PTPRQ: variants seen among roughly 807,000 people sequenced by gnomAD.
The protein encoded by PTPRQ is protein tyrosine phosphatase receptor type Q, also known as phosphatidylinositol phosphatase PTPRQ.
PTPRQ carries 199 observed loss-of-function variants against 246.0 expected under a neutral mutation model. The ratio of observed to expected loss-of-function variants is 0.81; its 90% CI spans 0.72 to 0.91. PTPRQ has a LOEUF of 0.91. Ranked by LOEUF, PTPRQ falls within the 40% of genes least tolerant of loss-of-function variation. The pLI, the probability that PTPRQ is intolerant of heterozygous loss-of-function variation, is 0.00. For missense variants in PTPRQ, 2,624 were observed against 2,528.4 expected, an observed-to-expected ratio of 1.04 and a Z score of -0.81; for synonymous variants, 869 against 853.2, an observed-to-expected ratio of 1.02 and a Z score of -0.32.
intron 17 of PTPRQ, among the ~76,000 whole-genome samples, chr12:80,515,333 G>C (rs1486903856): frequency 6.6e-6 from 1 of 152,058 alleles, no homozygotes; most frequent in Non-Finnish European, 1.5e-5. Flanking sequence ...TGTTTCAGGA[G>C]TCCATAGTTC....
At chr12:80,455,033 C>T (rs898780444) in intron 3 of PTPRQ, among the ~76,000 whole-genome samples, 22 of 152,114 alleles carry the variant, frequency 1.4e-4, no homozygotes, top group African/African-American at 5.1e-4. Flanking sequence ...ATTAGCTGGG[C>T]ATGGTGGCGA....
intron 36 of PTPRQ, 34 bp from the exon 37 acceptor site, chr12:80,649,554 C>T (rs961788179): frequency 4.5e-6 from 7 of 1,546,922 alleles, no homozygotes; most frequent in Non-Finnish European, 6.1e-6. Flanking sequence ...TACAATCTAA[C>T]ATGACCCTAT....
In PTPRQ at chr12:80,527,943, G is replaced by T. The variant is rs962562305; in HGVS notation, c.2679-6072G>T. Among the ~76,000 whole-genome samples, 8 of 152,042 alleles carry T rather than the reference G, an allele frequency of 5.3e-5. No homozygotes were observed. The South Asian group carries it at 1.7e-3, about 32-fold the overall frequency. On this transcript the variant is annotated intron_variant, in intron 17 of 44. Transcript: ENST00000644991. ...ACCCCATCTCTAGAAAAAATAAACA[G>T]GTATGGTAACATATGCTTGTATCCC...
At chr12:80,617,199 A>G (rs1336470262) in intron 30 of PTPRQ, among the ~76,000 whole-genome samples, 1 of 151,072 alleles carries the variant, frequency 6.6e-6, no homozygotes, top group East Asian at 2.0e-4. Context: ...AGGCCTGAAA[A>G]ATGGAGATAA....
In PTPRQ at chr12:80,575,313, T is replaced by C. The variant is rs147048214; in HGVS notation, c.4286-12816T>C. Among the ~76,000 whole-genome samples the C allele has an allele frequency of 1.1e-4, 16 of 152,232 alleles. 2 individuals are homozygous for C. The highest frequency in any genetic ancestry group is 3.9e-4 in the African/African-American group (16 of 41,544). On this transcript the variant is annotated intron_variant, in intron 25 of 44. Transcript: ENST00000644991. ...TTCTAAAAATCTTTTGATCCAAGTG[T>C]GGTGGCTCACACCTGTAATCACAGA...
rs749921206 is a variant in PTPRQ at position 80,605,396 on chromosome 12, T to C, written c.4731+216T>C. On this transcript the variant is annotated intron_variant, in intron 27 of 44. Coordinates refer to ENST00000644991, the MANE Select transcript of PTPRQ (RefSeq NM_001145026.2). ...AACATGCATAAAGAACTTGGAACAT[T>C]CCCTGAGATATGGTAAATGCTCAAT... Among the ~76,000 whole-genome samples the C allele has an allele frequency of 4.0e-5, 6 of 151,386 alleles. No homozygotes were observed. In the South Asian group the frequency reaches 8.3e-4, roughly 21 times the overall value.
chr12:80,637,643 A>G (rs180733489), intron 35 of PTPRQ, among the ~76,000 whole-genome samples: 2 of 152,364 alleles, frequency 1.3e-5, no homozygotes, highest in East Asian at 3.9e-4. Context: ...ATTCTTCAGT[A>G]CAGAGATCTG....
chr12:80,455,510 C>G (rs537827915), intron 3 of PTPRQ, among the ~76,000 whole-genome samples: 1 of 152,110 alleles, frequency 6.6e-6, no homozygotes, highest in African/African-American at 2.4e-5. Flanking sequence ...ATCGTGAACT[C>G]AATGTAATTA....
chr12:80,587,289 C>T (rs1232164627), intron 25 of PTPRQ, among the ~76,000 whole-genome samples: 1 of 152,018 alleles, frequency 6.6e-6, no homozygotes, highest in African/African-American at 2.4e-5. Context: ...ATGTAATTTT[C>T]ACATGTCATC....
chr12:80,477,886 C>T (rs1286404713), intron 8 of PTPRQ, among the ~76,000 whole-genome samples: 1 of 152,194 alleles, frequency 6.6e-6, no homozygotes, highest in African/African-American at 2.4e-5. Context: ...CCTACGCCCA[C>T]GGAGTCTCGC....
rs191715664 is a variant in PTPRQ at position 80,515,545 on chromosome 12, C to T, written c.2678+5102C>T. ...AAGTGATTCTCCTGCCTCAGCCTCC[C>T]GAGTAGCTGGGATTACAGGTGCCCA... On this transcript the variant is annotated intron_variant, in intron 17 of 44. Coordinates refer to ENST00000644991, the MANE Select transcript of PTPRQ (RefSeq NM_001145026.2). Among the ~76,000 whole-genome samples the T allele has an allele frequency of 7.5e-4, 114 of 151,898 alleles. No individual in the cohort carries two copies. In the East Asian group the frequency reaches 0.011, roughly 15 times the overall value.
chr12:80,630,311 G>T (rs1379985972), intron 33 of PTPRQ, among the ~76,000 whole-genome samples: 1 of 151,838 alleles, frequency 6.6e-6, no homozygotes, highest in African/African-American at 2.4e-5. Context: ...CCATATTTTG[G>T]ATCTGTCTGG....
intron 17 of PTPRQ, among the ~76,000 whole-genome samples, chr12:80,526,597 A>G (rs1220695062): frequency 1.3e-5 from 2 of 152,120 alleles, no homozygotes; most frequent in South Asian, 2.1e-4. Flanking sequence ...TCCATAAGCA[A>G]CACTTTCCAC....
chr12:80,618,693 C>T (rs143058451), intron 30 of PTPRQ, among the ~76,000 whole-genome samples: 2 of 151,394 alleles, frequency 1.3e-5, no homozygotes, highest in African/African-American at 2.4e-5. Flanking sequence ...ACCAGATGAA[C>T]GGTTGAATAA....
chr12:80,615,383 C>T (rs914195115), intron 29 of PTPRQ, among the ~76,000 whole-genome samples: 4 of 150,730 alleles, frequency 2.7e-5, no homozygotes, highest in Non-Finnish European at 4.5e-5. Context: ...TTAAGTAATT[C>T]CAATAAACAT....
intron 6 of PTPRQ, among the ~76,000 whole-genome samples, chr12:80,466,106 C>T (rs1399664831): frequency 1.3e-5 from 2 of 152,082 alleles, no homozygotes; most frequent in African/African-American, 4.8e-5. Flanking sequence ...TCTAGAAAAC[C>T]CCATCGTCTC....
At chr12:80,656,020 G>A (rs1270007033) in intron 38 of PTPRQ, among the ~76,000 whole-genome samples, 1 of 152,112 alleles carries the variant, frequency 6.6e-6, no homozygotes, top group Admixed American at 6.5e-5. Flanking sequence ...GAAAAGTTTA[G>A]CTTGTAGTTG....
At chr12:80,549,232 A>G (rs1017517692) in intron 24 of PTPRQ, among the ~76,000 whole-genome samples, 3 of 152,136 alleles carry the variant, frequency 2.0e-5, no homozygotes, top group African/African-American at 7.2e-5. Flanking sequence ...GAACTGGAAG[A>G]TATTTAGTGA....
At chr12:80,475,261 A>C (rs968100079) in intron 8 of PTPRQ, among the ~76,000 whole-genome samples, 1 of 152,166 alleles carries the variant, frequency 6.6e-6, no homozygotes, top group Non-Finnish European at 1.5e-5. Flanking sequence ...GTCCATGTAT[A>C]TAACACCTTC....
Sources: allele counts gnomAD v4.1 joint callset (sites outside exome capture counted in the v4.1 genomes callset), GRCh38; gene constraint gnomAD v4.1.1; transcripts MANE v1.5; gene names NCBI Gene and HGNC (gene_info 2026-07-23, HGNC 2026-07-21).